Variants in SMURF1 observed in about 807,000 individuals in gnomAD.
SMURF1 encodes E3 ubiquitin-protein ligase SMURF1.
In SMURF1, 44 loss-of-function variants were observed where a neutral mutation model predicts 98.0. The observed-to-expected ratio is 0.45, with a 90% CI of 0.35 to 0.58. The LOEUF (loss-of-function observed/expected upper bound fraction) is 0.58. SMURF1 is among the 20% of genes least tolerant of loss of function. The pLI, the probability that SMURF1 is intolerant of heterozygous loss-of-function variation, is 0.00. For synonymous variants in SMURF1, 396 were observed against 374.9 expected (o/e 1.06, Z -0.65); for missense variants, 687 against 938.4 (o/e 0.73, Z 3.50).
At chr7:99,082,585 C>T (rs1796596061) in intron 1 of SMURF1, among the ~76,000 whole-genome samples, 1 of 152,216 alleles carries the variant, frequency 6.6e-6, no homozygotes, top group Non-Finnish European at 1.5e-5. Context: ...ATCTACGCTA[C>T]TGTCAGTACC....
chr7:99,061,637 C>T (rs1164262253), intron 2 of SMURF1, among the ~76,000 whole-genome samples, 162 bp downstream of exon 2: 2 of 152,144 alleles, frequency 1.3e-5, no homozygotes, highest in African/African-American at 2.4e-5. Flanking sequence ...AGGAACTACC[C>T]ATGTTGTAGT....
At chr7:99,059,595 CAG>C (rs1795982364) in intron 3 of SMURF1, among the ~76,000 whole-genome samples, 1 of 151,914 alleles carries the variant, frequency 6.6e-6, no homozygotes, top group Admixed American at 6.6e-5. Flanking sequence ...TCAAAGTCAA[CAG>C]AAACATACAG....
chr7:99,137,887 T>C (rs1310017924), intron 1 of SMURF1, among the ~76,000 whole-genome samples: 1 of 152,208 alleles, frequency 6.6e-6, no homozygotes, highest in African/African-American at 2.4e-5. Context: ...GACAAAACAG[T>C]AATAGTGACA....
At chr7:99,105,882 A>G (rs973216345) in intron 1 of SMURF1, among the ~76,000 whole-genome samples, 18 of 152,248 alleles carry the variant, frequency 1.2e-4, no homozygotes, top group Admixed American at 1.1e-3. Context: ...CTCCCAACAC[A>G]TTTTGCCAAG....
At position 99,143,816 on chromosome 7, in the gene SMURF1, C is replaced by T. The variant is rs1164639258; in HGVS notation, c.-36G>A. 3 of 1,522,034 alleles carry T rather than the reference C, an allele frequency of 2.0e-6. No individual in the cohort carries two copies. Among genetic ancestry groups the T allele is most frequent in the African/African-American group, 2.9e-5 (2 of 69,416 alleles). 94.3% of individuals were successfully genotyped at this position (1,522,034 alleles called of 1,614,324 possible). On this transcript the variant is annotated 5_prime_UTR_variant, in exon 1 of 18. Coordinates refer to ENST00000361368, the MANE Select transcript of SMURF1 (RefSeq NM_181349.3). ...CGATCGGGCAGCCGCGGATCCAGCG[C>T]CACCGCCCCCCAGCCCGGCCCGGCC... is the stretch of plus-strand genomic sequence containing the variant.
intron 1 of SMURF1, among the ~76,000 whole-genome samples, chr7:99,096,971 A>G (rs1292562619): frequency 6.6e-6 from 1 of 152,202 alleles, no homozygotes; most frequent in African/African-American, 2.4e-5. Flanking sequence ...AAGCAATGTG[A>G]AAAAATAACA....
At chr7:99,113,291 AATC>A (rs1271824485) in intron 1 of SMURF1, among the ~76,000 whole-genome samples, 2 of 152,224 alleles carry the variant, frequency 1.3e-5, no homozygotes, top group Non-Finnish European at 2.9e-5. Context: ...AGAAACAACT[AATC>A]ATGTAGAAGG....
intron 1 of SMURF1, among the ~76,000 whole-genome samples, chr7:99,078,086 G>A (rs769232878): frequency 1.3e-5 from 2 of 152,100 alleles, no homozygotes; most frequent in Non-Finnish European, 2.9e-5. Context: ...ATCACCTGAG[G>A]TCAGGAGTTC....
At chr7:99,143,679 CG>C in intron 1 of SMURF1, 46 bp downstream of exon 1, 1 of 1,448,100 alleles carries the variant, frequency 6.9e-7, no homozygotes, top group East Asian at 3.1e-5. Context: ...AATTCCGGGG[CG>C]GGCGAGGGGG....
intron 1 of SMURF1, among the ~76,000 whole-genome samples, chr7:99,103,862 C>A (rs1044881301): frequency 1.3e-5 from 2 of 150,200 alleles, no homozygotes; most frequent in Admixed American, 6.6e-5. Context: ...ATATGAAAAG[C>A]AATTTGTGAT....
rs754453514 is a variant in SMURF1, at chr7:99,049,646, A to G, written c.870T>C (p.Ser290=). ...CAAAATATATCCTCCCAGAAACTGT[A>G]CTTCTGACTTCCCAGCCTGGCGGCA... The part of the protein sequence containing the change: ...GPLPPGWEVR[S]TVSGRIYFVD... Residue 290 remains serine, a synonymous_variant, in exon 9 of 18, where the codon AGT becomes AGC. Coordinates refer to ENST00000361368, the MANE Select transcript of SMURF1 (RefSeq NM_181349.3). The G allele has an allele frequency of 1.2e-6, 2 of 1,614,138 alleles. No homozygotes were observed. Among genetic ancestry groups the G allele is most frequent in the East Asian group, 4.5e-5 (2 of 44,884 alleles).
At chr7:99,063,967 T>G (rs1363403476) in intron 1 of SMURF1, among the ~76,000 whole-genome samples, 1 of 152,128 alleles carries the variant, frequency 6.6e-6, no homozygotes, top group Non-Finnish European at 1.5e-5. Flanking sequence ...GACGGATTAC[T>G]TGACATCACG....
chr7:99,084,993 C>G (rs2150572203), intron 1 of SMURF1, among the ~76,000 whole-genome samples: 1 of 152,256 alleles, frequency 6.6e-6, no homozygotes, highest in East Asian at 1.9e-4. Flanking sequence ...CTCGTTCTCT[C>G]TCTTCCTCCT....
chr7:99,102,828 T>G (rs1165921980), intron 1 of SMURF1, among the ~76,000 whole-genome samples: 2 of 152,116 alleles, frequency 1.3e-5, no homozygotes, highest in Non-Finnish European at 2.9e-5. Flanking sequence ...TTTTGGTTTT[T>G]TTGTTTTTTT....
rs1205471128 is a variant in SMURF1 at position 99,028,589 on chromosome 7, C to T, written c.*1995G>A. 1 of 152,218 alleles carries T rather than the reference C, an allele frequency of 6.6e-6. No individual in the cohort carries two copies. Among genetic ancestry groups the T allele is most frequent in the East Asian group, 1.9e-4 (1 of 5,186 alleles). The allele number at this position is 152,218 out of a possible 1,614,324, so 9.4% of individuals were successfully genotyped here. On this transcript the variant is annotated 3_prime_UTR_variant, in exon 18 of 18. Transcript: ENST00000361368. ...CTGCTAAGGCTCGCCCCCGACTCCT[C>T]CCAACAGCAAAAAGGTAGTTTTAAA...
At position 99,030,789 on chromosome 7, in the gene SMURF1, G is replaced by A. The variant is rs541409755; in HGVS notation, c.2097-106C>T. On this transcript the variant is annotated intron_variant, in intron 17 of 17. Coordinates refer to ENST00000361368, the MANE Select transcript of SMURF1 (RefSeq NM_181349.3). ...AGTATATGTGGGAGGGGAGAGGAATGGGGGGTGGGGCAGGGTTGGTGATGA... is the reference window on the plus strand; with the variant it reads ...AGTATATGTGGGAGGGGAGAGGAATAGGGGGTGGGGCAGGGTTGGTGATGA... The A allele has an allele frequency of 9.7e-6, 7 of 718,200 alleles. No homozygotes were observed. The Admixed American group carries it at 1.7e-4, about 17-fold the overall frequency. 44.5% of individuals were successfully genotyped at this position (718,200 alleles called of 1,614,324 possible). A position where few individuals can be genotyped will look rare whatever the true frequency, so the allele number is the denominator to read the frequency against.
At chr7:99,103,956 G>A (rs530538027) in intron 1 of SMURF1, among the ~76,000 whole-genome samples, 8 of 151,196 alleles carry the variant, frequency 5.3e-5, no homozygotes, top group Admixed American at 1.3e-4. Context: ...GCAGTGGTGC[G>A]ATCTCAGCTC....
Position 99,143,771 on chromosome 7 carries a change from G to T in SMURF1, c.10C>A (p.Pro4Thr). 1.9e-6 allele frequency: 3 copies of T among 1,561,200 alleles called. No individual in the cohort carries two copies. Among genetic ancestry groups the T allele is most frequent in the Non-Finnish European group, 2.6e-6 (3 of 1,156,512 alleles). The change falls in exon 1 of 18, where the codon CCC becomes ACC. Residue 4 changes from proline (P) to threonine (T), a missense_variant. This residue lies in a region of SMURF1 where 415 missense variants were observed against 508.4 expected (regional missense o/e 0.82). Transcript: ENST00000361368. ...CTGGAGCCGTTCCTGCGTGTCCCGG[G>T]GTTCGACATCTCCCGCCAACGATCG... MSN[P>T]GTRRNGSSIK...
intron 10 of SMURF1, 79 bp from the exon 11 acceptor site, chr7:99,045,880 C>T: frequency 1.9e-6 from 2 of 1,079,476 alleles, no homozygotes; most frequent in Non-Finnish European, 2.8e-6. Context: ...TAATGGAGCC[C>T]GGTTAAGAAC....
Sources: allele counts gnomAD v4.1 joint callset (sites outside exome capture counted in the v4.1 genomes callset), GRCh38; gene constraint gnomAD v4.1.1; regional missense constraint gnomAD v4.1.1; transcripts MANE v1.5; gene names NCBI Gene and HGNC (gene_info 2026-07-23, HGNC 2026-07-21).